The following PLPPR5 variants were observed in gnomAD, a reference collection of about 807,000 sequenced individuals.
PLPPR5 encodes the protein phospholipid phosphatase-related protein type 5.
In PLPPR5, 16 loss-of-function variants were observed where a neutral mutation model predicts 33.9. The observed-to-expected ratio is 0.47, with a 90% CI of 0.32 to 0.72. The LOEUF (loss-of-function observed/expected upper bound fraction) is 0.72. PLPPR5 is among the 30% of genes least tolerant of loss of function. The pLI, the probability that PLPPR5 is intolerant of heterozygous loss-of-function variation, is 0.03. For synonymous variants in PLPPR5, 163 were observed against 150.3 expected (o/e 1.08, Z -0.62); for missense variants, 301 against 406.7 (o/e 0.74, Z 2.23).
intron 3 of PLPPR5, among the ~76,000 whole-genome samples, chr1:98,928,235 T>G (rs1026988507): frequency 6.6e-6 from 1 of 151,968 alleles, no homozygotes; most frequent in Non-Finnish European, 1.5e-5. Context: ...TCAACTAGAT[T>G]ATTAGAAAAT....
At chr1:98,907,875 A>G (rs909551809) in intron 5 of PLPPR5, among the ~76,000 whole-genome samples, 4 of 152,210 alleles carry the variant, frequency 2.6e-5, no homozygotes, top group African/African-American at 9.6e-5. Context: ...TCTAACTTCT[A>G]TTCCAGGAGT....
At chr1:98,988,384 A>G (rs1344866181) in intron 1 of PLPPR5, among the ~76,000 whole-genome samples, 1 of 152,122 alleles carries the variant, frequency 6.6e-6, no homozygotes, top group African/African-American at 2.4e-5. Flanking sequence ...CTGTAGAGAA[A>G]AAGCTTATGT....
intron 2 of PLPPR5, among the ~76,000 whole-genome samples, chr1:98,955,597 A>C (rs35675335): frequency 0.24 from 36,532 of 152,058 alleles, 5,149 homozygotes; most frequent in Non-Finnish European, 0.33. Flanking sequence ...TTGGATATGA[A>C]GGCCTTTCGT....
chr1:98,922,756 C>T (rs138746093), intron 3 of PLPPR5, among the ~76,000 whole-genome samples: 16 of 152,162 alleles, frequency 1.1e-4, no homozygotes, highest in South Asian at 6.2e-4. Flanking sequence ...GAGGCCGAGG[C>T]GGGCAGATAA....
At position 99,003,776 on chromosome 1, in the gene PLPPR5, C is replaced by T. The variant is rs553781320; in HGVS notation, c.237+659G>A. 2.6e-5 allele frequency among the ~76,000 whole-genome samples: 4 copies of T among 152,326 alleles called. No homozygotes were observed. The South Asian group carries it at 6.2e-4, about 24-fold the overall frequency. ...TAAATTGCCCAGGGAGCGGAGCAGC[C>T]TTTAAATAAATCTGAAGTGCTCTTG... On this transcript the variant is annotated intron_variant, in intron 1 of 5. Transcript: ENST00000263177.
chr1:98,975,745 T>G (rs1180975483), intron 1 of PLPPR5, among the ~76,000 whole-genome samples: 1 of 152,004 alleles, frequency 6.6e-6, no homozygotes, highest in Non-Finnish European at 1.5e-5. Context: ...AGGGGGACAC[T>G]TCCCGATTTC....
chr1:98,947,521 T>C (rs577680933), intron 3 of PLPPR5, among the ~76,000 whole-genome samples: 1 of 152,370 alleles, frequency 6.6e-6, no homozygotes, highest in South Asian at 2.1e-4. Context: ...AGCATTATTA[T>C]ATTTTATGAT....
rs1450920338 is a variant in PLPPR5 at position 98,892,906 on chromosome 1, TCA to T, written c.*164_*165del. The T allele has an allele frequency of 1.5e-6, 1 of 666,320 alleles. No individual in the cohort carries two copies. The highest frequency in any genetic ancestry group is 2.5e-6 in the Non-Finnish European group (1 of 392,806). The allele number at this position is 666,320 out of a possible 1,614,324, so 41.3% of individuals were successfully genotyped here. On this transcript the variant is annotated 3_prime_UTR_variant, in exon 6 of 6. Transcript: ENST00000263177. ...AAAGACAATCCTGCCCTCGAGGAGC[TCA>T]CAGTCTAGTGGGGGAAACAGATAGG...
intron 2 of PLPPR5, among the ~76,000 whole-genome samples, chr1:98,955,990 A>G (rs529940207): frequency 6.6e-6 from 1 of 152,292 alleles, no homozygotes; most frequent in East Asian, 1.9e-4. Context: ...TTTGAGATTG[A>G]AAGTTAAATT....
chr1:98,968,654 C>G (rs1233840412), intron 1 of PLPPR5, among the ~76,000 whole-genome samples: 1 of 151,926 alleles, frequency 6.6e-6, no homozygotes, highest in Non-Finnish European at 1.5e-5. Context: ...TTACTTGGCA[C>G]TGTATGCCTG....
At chr1:99,002,895 T>C (rs1317690566) in intron 1 of PLPPR5, among the ~76,000 whole-genome samples, 1 of 151,052 alleles carries the variant, frequency 6.6e-6, no homozygotes, top group African/African-American at 2.4e-5. Flanking sequence ...TTTAGTCTCC[T>C]GGAAAACTGT....
intron 1 of PLPPR5, among the ~76,000 whole-genome samples, chr1:98,993,521 T>A (rs1044730399): frequency 6.6e-6 from 1 of 152,104 alleles, no homozygotes; most frequent in African/African-American, 2.4e-5. Context: ...TTCAATTTAG[T>A]AACTGAGCAA....
intron 2 of PLPPR5, among the ~76,000 whole-genome samples, chr1:98,953,788 T>C (rs1163665246): frequency 6.6e-6 from 1 of 152,196 alleles, no homozygotes; most frequent in African/African-American, 2.4e-5. Flanking sequence ...CAGACTGATG[T>C]TAACGCTGCT....
chr1:98,910,966 G>C (rs993718002), intron 5 of PLPPR5, among the ~76,000 whole-genome samples: 1 of 150,532 alleles, frequency 6.6e-6, no homozygotes, highest in Non-Finnish European at 1.5e-5. Flanking sequence ...GACCTGCTGT[G>C]TATTTATCCC....
At chr1:98,959,574 G>C (rs540337498) in intron 1 of PLPPR5, among the ~76,000 whole-genome samples, 1 of 152,116 alleles carries the variant, frequency 6.6e-6, no homozygotes. Context: ...TCTTTCCCTG[G>C]AGTCATACTG....
intron 1 of PLPPR5, among the ~76,000 whole-genome samples, chr1:98,961,058 G>A (rs1293349014): frequency 2.0e-5 from 3 of 152,110 alleles, no homozygotes; most frequent in African/African-American, 7.2e-5. Context: ...ACCTAACCTA[G>A]TCTGAAGTGT....
At chr1:98,950,076 A>G (rs1650721267) in intron 3 of PLPPR5, among the ~76,000 whole-genome samples, 1 of 152,232 alleles carries the variant, frequency 6.6e-6, no homozygotes, top group South Asian at 2.1e-4. Flanking sequence ...GCAGATGCAC[A>G]CACTAGGGCT....
At chr1:98,918,788 G>A (rs946193331) in intron 4 of PLPPR5, among the ~76,000 whole-genome samples, 17 of 152,184 alleles carry the variant, frequency 1.1e-4, no homozygotes, top group Non-Finnish European at 2.2e-4. Flanking sequence ...CTTCTTACAT[G>A]TGTGATTTCA....
At chr1:98,956,073 G>A (rs1020869131) in intron 2 of PLPPR5, among the ~76,000 whole-genome samples, 3 of 152,058 alleles carry the variant, frequency 2.0e-5, no homozygotes, top group African/African-American at 7.2e-5. Context: ...TAGAAGTAGT[G>A]CATGGAGTGC....
Sources: allele counts gnomAD v4.1 joint callset (sites outside exome capture counted in the v4.1 genomes callset), GRCh38; gene constraint gnomAD v4.1.1; transcripts MANE v1.5; gene names NCBI Gene and HGNC (gene_info 2026-07-23, HGNC 2026-07-21).